The following TEX36 variants were observed in gnomAD, a reference collection of about 807,000 sequenced individuals.
TEX36 encodes the protein testis expressed 36.
A neutral mutation model predicts 13.6 loss-of-function variants in TEX36; 12 were observed. The ratio of observed to expected loss-of-function variants is 0.88; its 90% CI spans 0.56 to 1.43. The LOEUF (loss-of-function observed/expected upper bound fraction) is 1.43. TEX36 is among the 40% of genes most tolerant of loss of function. The pLI, the probability that TEX36 is intolerant of heterozygous loss-of-function variation, is 0.00. For synonymous variants in TEX36, 93 were observed against 83.0 expected (o/e 1.12, Z -0.65); for missense variants, 224 against 228.3 (o/e 0.98, Z 0.12).
At chr10:125,659,885 A>C (rs927502336) in intron 3 of TEX36, among the ~76,000 whole-genome samples, 1 of 152,178 alleles carries the variant, frequency 6.6e-6, no homozygotes, top group Non-Finnish European at 1.5e-5. Flanking sequence ...TGCAGGTATC[A>C]CTTGATACAG....
At chr10:125,622,771 G>A (rs11244584) in intron 3 of TEX36, among the ~76,000 whole-genome samples, 6,992 of 152,256 alleles carry the variant, frequency 0.046, 179 homozygotes, top group East Asian at 0.085. Context: ...AGTAGTAGTC[G>A]ATTTCATCTT....
intron 3 of TEX36, chr10:125,576,955 G>C: frequency 6.6e-7 from 1 of 1,514,916 alleles, no homozygotes; most frequent in South Asian, 1.2e-5. Flanking sequence ...AGAGGAAAGG[G>C]GGCCTTATTC....
chr10:125,669,306 TAAAA>T (rs1847181296), intron 1 of TEX36, among the ~76,000 whole-genome samples: 1 of 148,586 alleles, frequency 6.7e-6, no homozygotes, highest in African/African-American at 2.5e-5. Context: ...AATAAATAAA[TAAAA>T]TAAATAAATA....
At chr10:125,669,774 G>A (rs889226652) in intron 1 of TEX36, among the ~76,000 whole-genome samples, 1 of 152,144 alleles carries the variant, frequency 6.6e-6, no homozygotes, top group Admixed American at 6.5e-5. Context: ...ACAGGCCCCA[G>A]TGTGTGTTGT....
At chr10:125,621,506 T>C (rs560691280), downstream of TEX36, 3 of 418,522 alleles carry the variant, frequency 7.2e-6, no homozygotes, top group East Asian at 1.4e-4. Context: ...ATTTTTGATA[T>C]TGCCTTTTCC....
chr10:125,595,225 G>A (rs1263113467), intron 3 of TEX36, among the ~76,000 whole-genome samples: 1 of 152,102 alleles, frequency 6.6e-6, no homozygotes, highest in African/African-American at 2.4e-5. Context: ...CAGTCATCTT[G>A]ACAGGTGAGC....
intron 3 of TEX36, among the ~76,000 whole-genome samples, chr10:125,631,472 G>A (rs907923742): frequency 6.6e-6 from 1 of 152,124 alleles, no homozygotes; most frequent in Non-Finnish European, 1.5e-5. Flanking sequence ...AGAGAAAAGC[G>A]CATTTTCTGA....
intron 3 of TEX36, among the ~76,000 whole-genome samples, chr10:125,577,978 G>C (rs551182537): frequency 2.6e-5 from 4 of 152,224 alleles, no homozygotes; most frequent in Non-Finnish European, 4.4e-5. Context: ...TATTCTATGA[G>C]AGCATGCCTT....
At chr10:125,598,938 A>C (rs1846111716) in intron 3 of TEX36, among the ~76,000 whole-genome samples, 1 of 152,186 alleles carries the variant, frequency 6.6e-6, no homozygotes, top group East Asian at 1.9e-4. Flanking sequence ...CTAAATGTGA[A>C]GTTGACCATA....
At chr10:125,665,788 C>G (rs1017221758) in intron 1 of TEX36, among the ~76,000 whole-genome samples, 1 of 152,118 alleles carries the variant, frequency 6.6e-6, no homozygotes, top group Admixed American at 6.5e-5. Flanking sequence ...CTGTAGATTG[C>G]TTTAAGCAAT....
Position 125,656,293 on chromosome 10 carries a change from G to C in TEX36, c.265-97C>G, listed in dbSNP as rs1192294733. The C allele has an allele frequency of 6.9e-6, 8 of 1,165,520 alleles. No homozygotes were observed. In the East Asian group the frequency reaches 2.3e-4, roughly 34 times the overall value. 72.2% of individuals were successfully genotyped at this position (1,165,520 alleles called of 1,614,324 possible). On this transcript the variant is annotated intron_variant, in intron 3 of 3. Transcript: ENST00000368821. Reference sequence around the variant, plus strand: ...TTTTTTTGAGACAGAGTCTTGCTCTGTCACCCAGGCCAGAGTTCAGTGGCA... The same window carrying C: ...TTTTTTTGAGACAGAGTCTTGCTCTCTCACCCAGGCCAGAGTTCAGTGGCA...
intron 3 of TEX36, among the ~76,000 whole-genome samples, chr10:125,636,631 T>C (rs1254652858): frequency 3.9e-5 from 6 of 152,184 alleles, no homozygotes; most frequent in Non-Finnish European, 8.8e-5. Context: ...AAACCCGTGT[T>C]CCAGTTCTGT....
At chr10:125,654,484 TA>T (rs746780330), downstream of TEX36, among the ~76,000 whole-genome samples, 1 of 152,194 alleles carries the variant, frequency 6.6e-6, no homozygotes, top group African/African-American at 2.4e-5. Context: ...TCCCATAAAT[TA>T]AAAGCTAAAT....
At chr10:125,674,565 G>C (rs1364734349) in intron 1 of TEX36, among the ~76,000 whole-genome samples, 3 of 152,162 alleles carry the variant, frequency 2.0e-5, no homozygotes, top group African/African-American at 7.2e-5. Flanking sequence ...AGTTTTTCTA[G>C]CTTCAATCTT....
intron 3 of TEX36, among the ~76,000 whole-genome samples, chr10:125,647,911 A>T (rs556062705): frequency 6.6e-6 from 1 of 152,346 alleles, no homozygotes; most frequent in East Asian, 1.9e-4. Context: ...CACTGCTAGC[A>T]CAGCAGTCTG....
rs75089141 is a variant in TEX36, at chr10:125,676,345, C to G, written c.51+6594G>C. 8.6e-3 allele frequency among the ~76,000 whole-genome samples: 1,316 copies of G among 152,242 alleles called. 19 individuals carry two copies. The highest frequency in any genetic ancestry group is 0.029 in the African/African-American group (1,208 of 41,542). ...TGTTATATCCTCTTGCTGGATTGAT[C>G]CATTTATCATTATATAATGACCTTC... On this transcript the variant is annotated intron_variant, in intron 1 of 3. Coordinates refer to ENST00000368821, the MANE Select transcript of TEX36 (RefSeq NM_001128202.3).
At chr10:125,648,293 C>T (rs1846802949) in intron 3 of TEX36, among the ~76,000 whole-genome samples, 1 of 152,170 alleles carries the variant, frequency 6.6e-6, no homozygotes, top group African/African-American at 2.4e-5. Context: ...GGGTGCCCCT[C>T]TGAGATGAAG....
chr10:125,649,023 C>A (rs537035003), intron 3 of TEX36, among the ~76,000 whole-genome samples: 1 of 152,178 alleles, frequency 6.6e-6, no homozygotes, highest in Non-Finnish European at 1.5e-5. Flanking sequence ...AACAAATCTA[C>A]GTCTGATTGG....
At chr10:125,657,566 T>C (rs1003288015) in intron 3 of TEX36, among the ~76,000 whole-genome samples, 3 of 152,186 alleles carry the variant, frequency 2.0e-5, no homozygotes, top group African/African-American at 7.2e-5. Flanking sequence ...GTAAAATTTA[T>C]GATGAAATCT....
Sources: gnomAD v4.1 joint callset for allele counts (sites outside exome capture counted in the v4.1 genomes callset) on GRCh38, gnomAD v4.1.1 for gene constraint, MANE v1.5 for transcripts, NCBI Gene and HGNC (gene_info 2026-07-23, HGNC 2026-07-21) for gene names.